Variants in RBFOX1 observed in about 807,000 individuals in gnomAD.
RBFOX1 encodes the protein RNA binding fox-1 homolog 1, also known as RNA binding protein fox-1 homolog 1.
A neutral mutation model predicts 57.7 loss-of-function variants in RBFOX1; 8 were observed. The ratio of observed to expected loss-of-function variants is 0.14; its 90% CI spans 0.08 to 0.25. The LOEUF (loss-of-function observed/expected upper bound fraction) is 0.25, where lower values mean the gene tolerates loss of function less well. RBFOX1 is among the 10% of genes least tolerant of loss of function. RBFOX1 has a pLI of 1.00. For synonymous variants in RBFOX1, 326 were observed against 222.4 expected (o/e 1.47, Z -4.15); for missense variants, 611 against 548.5 (o/e 1.11, Z -1.14).
intron 1 of RBFOX1, among the ~76,000 whole-genome samples, chr16:6,204,963 C>T (rs1266233624): frequency 1.3e-5 from 2 of 152,148 alleles, no homozygotes; most frequent in Admixed American, 6.5e-5. Context: ...TGCAGTAGCA[C>T]AATATTATTA....
chr16:5,906,414 T>C (rs992977754), intron 4 of RBFOX1, among the ~76,000 whole-genome samples: 4 of 152,184 alleles, frequency 2.6e-5, no homozygotes, highest in African/African-American at 9.6e-5. Flanking sequence ...AACAAACTAC[T>C]GCATGCTAGG....
At chr16:6,397,111 G>A (rs958731890) in intron 2 of RBFOX1, among the ~76,000 whole-genome samples, 1 of 152,116 alleles carries the variant, frequency 6.6e-6, no homozygotes, top group Non-Finnish European at 1.5e-5. Flanking sequence ...CCAGAAAGAG[G>A]AAGGAGAAGA....
intron 4 of RBFOX1, among the ~76,000 whole-genome samples, chr16:7,387,582 C>T (rs1020663847): frequency 6.6e-6 from 1 of 152,246 alleles, no homozygotes; most frequent in East Asian, 1.9e-4. Flanking sequence ...AATCCATACG[C>T]CTTCAGAGAG....
chr16:6,887,647 T>A (rs946548172), intron 3 of RBFOX1, among the ~76,000 whole-genome samples: 7 of 148,984 alleles, frequency 4.7e-5, no homozygotes, highest in African/African-American at 1.5e-4. Context: ...TTTGGTTGTT[T>A]TTGCTGTCTT....
chr16:6,520,045 C>G (rs563911801), intron 2 of RBFOX1, among the ~76,000 whole-genome samples: 1 of 152,222 alleles, frequency 6.6e-6, no homozygotes, highest in Non-Finnish European at 1.5e-5. Flanking sequence ...ATGTTTCCAC[C>G]GTGCAGGTGC....
intron 4 of RBFOX1, among the ~76,000 whole-genome samples, chr16:5,972,040 A>C (rs956964615): frequency 1.3e-5 from 2 of 152,226 alleles, no homozygotes; most frequent in Admixed American, 6.5e-5. Flanking sequence ...AAACTGAAGC[A>C]TGGGCTCTTT....
chr16:5,971,085 A>G (rs1047935696), intron 4 of RBFOX1, among the ~76,000 whole-genome samples: 2 of 152,090 alleles, frequency 1.3e-5, no homozygotes, highest in African/African-American at 4.8e-5. Flanking sequence ...TTCGATCTTT[A>G]TCTTTCTTCC....
chr16:7,185,980 T>G (rs139149318), intron 4 of RBFOX1, among the ~76,000 whole-genome samples: 11 of 152,316 alleles, frequency 7.2e-5, no homozygotes, highest in South Asian at 2.1e-4. Context: ...TTAGTTCCTA[T>G]GTTTATTGGC....
chr16:7,085,777 G>A lies in RBFOX1; in HGVS notation c.27+33679G>A, dbSNP rs544686825. On this transcript the variant is annotated intron_variant, in intron 4 of 15. Coordinates refer to ENST00000550418, the MANE Select transcript of RBFOX1 (RefSeq NM_018723.4). ...TTTCTTCACTGTAATGACAGAGTGT[G>A]TTCAGAACTTCTCCCAAGTAGGAGA... Among the ~76,000 whole-genome samples the A allele has an allele frequency of 5.3e-5, 8 of 152,234 alleles. No homozygotes were observed. In the South Asian group the frequency reaches 1.7e-3, roughly 32 times the overall value.
chr16:6,281,005 A>G (rs557410633), intron 1 of RBFOX1, among the ~76,000 whole-genome samples: 2 of 151,088 alleles, frequency 1.3e-5, no homozygotes, highest in African/African-American at 2.4e-5. Context: ...GTATATATGT[A>G]TATATATATG....
At chr16:7,313,460 T>C (rs576263577) in intron 4 of RBFOX1, among the ~76,000 whole-genome samples, 29 of 121,722 alleles carry the variant, frequency 2.4e-4, no homozygotes, top group South Asian at 6.1e-4. Flanking sequence ...TTTATCTTTT[T>C]TTTTCTTTTC....
At chr16:6,621,182 C>T (rs1362970764) in intron 2 of RBFOX1, among the ~76,000 whole-genome samples, 1 of 152,180 alleles carries the variant, frequency 6.6e-6, no homozygotes, top group Admixed American at 6.5e-5. Context: ...ACTAGTCAGG[C>T]CGGGCGCGGT....
chr16:5,528,714 A>G (rs777535429), intron 2 of RBFOX1, among the ~76,000 whole-genome samples: 2 of 150,260 alleles, frequency 1.3e-5, no homozygotes, highest in African/African-American at 4.9e-5. Flanking sequence ...CAGTGGCGCA[A>G]TCTCGGCTCA....
intron 1 of RBFOX1, among the ~76,000 whole-genome samples, chr16:6,096,966 T>TC (rs1380117255): frequency 2.6e-5 from 4 of 152,154 alleles, no homozygotes; most frequent in Non-Finnish European, 4.4e-5. Context: ...TTTGGCTGTG[T>TC]CCCACCCAAA....
intron 1 of RBFOX1, among the ~76,000 whole-genome samples, chr16:6,298,471 T>C (rs1567880072): frequency 6.6e-6 from 1 of 152,232 alleles, no homozygotes; most frequent in Non-Finnish European, 1.5e-5. Flanking sequence ...CAAAGTGTGC[T>C]TTGTTTATAA....
At chr16:7,122,500 C>T (rs1012389834) in intron 4 of RBFOX1, among the ~76,000 whole-genome samples, 13 of 151,974 alleles carry the variant, frequency 8.6e-5, no homozygotes, top group East Asian at 1.9e-4. Context: ...TCAGCAAGTG[C>T]AAATGAAAAC....
chr16:5,334,026 A>T (rs1016433592), intron 1 of RBFOX1, among the ~76,000 whole-genome samples: 2 of 152,200 alleles, frequency 1.3e-5, no homozygotes, highest in Admixed American at 1.3e-4. Flanking sequence ...TATTTTGGTG[A>T]ATAAACCTGA....
intron 3 of RBFOX1, among the ~76,000 whole-genome samples, chr16:5,800,529 C>T (rs1397056915): frequency 6.6e-6 from 1 of 151,968 alleles, no homozygotes; most frequent in Non-Finnish European, 1.5e-5. Flanking sequence ...CTCTCCAGCA[C>T]AAATAAGGGA....
chr16:6,684,144 C>G (rs1008080746), intron 3 of RBFOX1, among the ~76,000 whole-genome samples: 2 of 152,118 alleles, frequency 1.3e-5, no homozygotes, highest in African/African-American at 2.4e-5. Flanking sequence ...TATCAGCATG[C>G]TTTTATGGTT....
Sources: gnomAD v4.1 joint callset for allele counts (sites outside exome capture counted in the v4.1 genomes callset) on GRCh38, gnomAD v4.1.1 for gene constraint, MANE v1.5 for transcripts, NCBI Gene and HGNC (gene_info 2026-07-23, HGNC 2026-07-21) for gene names.